SFT2D1: variants seen among roughly 807,000 people sequenced by gnomAD.
SFT2D1 encodes SFT2 domain containing 1, also known as vesicle transport protein SFT2A.
A neutral mutation model predicts 28.1 loss-of-function variants in SFT2D1; 24 were observed. The observed-to-expected ratio is 0.85, with a 90% CI of 0.62 to 1.20. The LOEUF (loss-of-function observed/expected upper bound fraction) is 1.20, where lower values mean the gene tolerates loss of function less well. SFT2D1 is among the 50% of genes most tolerant of loss of function. The probability of loss-of-function intolerance (pLI) is 0.00; values close to 1 mark genes in which losing one functional copy is unlikely to be tolerated. For missense variants in SFT2D1, 181 were observed against 190.9 expected (o/e 0.95, Z 0.31); for synonymous variants, 82 against 73.7 (o/e 1.11, Z -0.58).
intron 1 of SFT2D1, chr6:166,335,607 G>A (rs1170967873): frequency 8.2e-6 from 3 of 367,904 alleles, no homozygotes; most frequent in African/African-American, 4.2e-5. Flanking sequence ...AGACCTTGGC[G>A]ATGACCTTGA....
chr6:166,335,506 C>T (rs1201168102), intron 1 of SFT2D1: 7 of 492,628 alleles, frequency 1.4e-5, no homozygotes, highest in African/African-American at 5.9e-5. Context: ...AAGGTGGCTA[C>T]GGTGGTTCCA....
rs772914681 is a variant in SFT2D1 at position 166,324,604 on chromosome 6, A to G, written c.352-9T>C. 3.1e-6 allele frequency: 5 copies of G among 1,610,016 alleles called. No individual in the cohort carries two copies. Among genetic ancestry groups the G allele is most frequent in the Non-Finnish European group, 4.2e-6 (5 of 1,179,088 alleles). On this transcript the variant is annotated splice_polypyrimidine_tract_variant and intron_variant, in intron 5 of 7. Coordinates refer to ENST00000361731, the MANE Select transcript of SFT2D1 (RefSeq NM_145169.3). ...AGTCCCTTCTTATGCCACTAACAAC[A>G]GCAAAAACAGAGCAATTATGAGTTT...
At chr6:166,326,576 TGAG>T (rs1304014072) in intron 4 of SFT2D1, among the ~76,000 whole-genome samples, 1 of 152,178 alleles carries the variant, frequency 6.6e-6, no homozygotes, top group Non-Finnish European at 1.5e-5. Context: ...CTCTTTAAAA[TGAG>T]GAGAGTTCCT....
At chr6:166,336,875 CCT>C (rs372474473) in intron 1 of SFT2D1, among the ~76,000 whole-genome samples, 7 of 152,330 alleles carry the variant, frequency 4.6e-5, no homozygotes, top group Non-Finnish European at 8.8e-5. Flanking sequence ...TGGCCTGGGG[CCT>C]CTTTTTTAAT....
intron 5 of SFT2D1, among the ~76,000 whole-genome samples, chr6:166,325,721 A>C (rs1486300588): frequency 6.6e-6 from 1 of 152,278 alleles, no homozygotes; most frequent in Non-Finnish European, 1.5e-5. Flanking sequence ...GCCCACAAGC[A>C]GGTGAGCTCG....
Position 166,330,233 on chromosome 6 carries a change from T to A in SFT2D1, c.78A>T (p.Ser26=). The change falls in exon 2 of 8, where the codon TCA becomes TCT. Residue 26 remains serine (S), a synonymous_variant. Transcript: ENST00000361731. ...TCAATCTGGTGTTGAAACTAAGGGA[T>A]GAGGCATCCAGGACCTTAATAAAAA... is the stretch of plus-strand genomic sequence containing the variant. ...QGLTAQVLDA[S]SLSFNTRLKW... 1.2e-6 allele frequency: 2 copies of A among 1,603,070 alleles called. No individual in the cohort carries two copies. Among genetic ancestry groups the A allele is most frequent in the Non-Finnish European group, 8.5e-7 (1 of 1,176,476 alleles).
chr6:166,337,475 T>G (rs1490727401), intron 1 of SFT2D1, among the ~76,000 whole-genome samples: 1 of 152,136 alleles, frequency 6.6e-6, no homozygotes, highest in African/African-American at 2.4e-5. Context: ...CCGGCTCTCC[T>G]GACTGTCCTC....
chr6:166,340,315 T>C (rs1323065018), intron 1 of SFT2D1, among the ~76,000 whole-genome samples: 2 of 152,188 alleles, frequency 1.3e-5, no homozygotes, highest in Non-Finnish European at 2.9e-5. Context: ...GAGTGATCCT[T>C]TAAAATCCAA....
chr6:166,320,467 A>G (rs1383705032), intron 7 of SFT2D1, among the ~76,000 whole-genome samples: 1 of 152,230 alleles, frequency 6.6e-6, no homozygotes, highest in African/African-American at 2.4e-5. Flanking sequence ...ATTTATCTTA[A>G]GAAATTTTTA....
At chr6:166,333,768 C>T (rs1178159890) in intron 1 of SFT2D1, among the ~76,000 whole-genome samples, 3 of 152,162 alleles carry the variant, frequency 2.0e-5, no homozygotes, top group Non-Finnish European at 2.9e-5. Context: ...TTTATCTCAA[C>T]GTCCATTTTA....
At chr6:166,333,528 C>G (rs559664557) in intron 1 of SFT2D1, among the ~76,000 whole-genome samples, 1 of 152,200 alleles carries the variant, frequency 6.6e-6, no homozygotes, top group Non-Finnish European at 1.5e-5. Flanking sequence ...ACTCCTCATC[C>G]GGCCCTTCTC....
At chr6:166,335,431 A>C in intron 1 of SFT2D1, 2 of 561,416 alleles carry the variant, frequency 3.6e-6, no homozygotes, top group Non-Finnish European at 6.9e-6. Context: ...TTGGAGGCAG[A>C]AGCTCTGGCC....
intron 3 of SFT2D1, 58 bp downstream of exon 3, chr6:166,329,449 T>C (rs1262652311): frequency 2.0e-6 from 3 of 1,465,824 alleles, no homozygotes; most frequent in East Asian, 2.3e-5. Flanking sequence ...AAAGTGCTTA[T>C]TAGAAAGGTA....
intron 1 of SFT2D1, among the ~76,000 whole-genome samples, chr6:166,333,882 C>T (rs546921018): frequency 1.3e-5 from 2 of 150,276 alleles, no homozygotes; most frequent in African/African-American, 4.9e-5. Flanking sequence ...AGTGTGAACT[C>T]CCTTACCTTC....
rs955992396 is a variant in SFT2D1 at position 166,331,013 on chromosome 6, G to A, written c.64-766C>T. ...TACTGTGAAATGATCATTTATTCTA[G>A]AGCAACAGCATTCCTATATACCATG... On this transcript the variant is annotated intron_variant, in intron 1 of 7. Coordinates refer to ENST00000361731, the MANE Select transcript of SFT2D1 (RefSeq NM_145169.3). 5.3e-5 allele frequency among the ~76,000 whole-genome samples: 8 copies of A among 152,218 alleles called. No individual in the cohort carries two copies. The South Asian group carries it at 1.7e-3, about 32-fold the overall frequency.
intron 1 of SFT2D1, among the ~76,000 whole-genome samples, chr6:166,341,472 A>T (rs1379374105): frequency 1.3e-5 from 2 of 150,050 alleles, no homozygotes; most frequent in Non-Finnish European, 3.0e-5. Flanking sequence ...AAAAAAATTC[A>T]TTGGCCACAT....
chr6:166,337,853 T>C (rs1778687914), intron 1 of SFT2D1, among the ~76,000 whole-genome samples: 1 of 152,202 alleles, frequency 6.6e-6, no homozygotes, highest in Non-Finnish European at 1.5e-5. Context: ...CTCGACCCCA[T>C]GGTGATGGTA....
chr6:166,329,676 CAAT>C, intron 2 of SFT2D1, 87 bp from the exon 3 acceptor site: 2 of 982,946 alleles, frequency 2.0e-6, no homozygotes, highest in Non-Finnish European at 3.0e-6. Flanking sequence ...AATACAATAC[CAAT>C]ATTATGTAAT....
chr6:166,328,463 T>A (rs1301480927), intron 3 of SFT2D1, 106 bp from the exon 4 acceptor site: 3 of 634,582 alleles, frequency 4.7e-6, no homozygotes, highest in African/African-American at 1.9e-5. Flanking sequence ...TTTATTTAAT[T>A]AAAATCTCTC....
Sources: gnomAD v4.1 joint callset for allele counts (sites outside exome capture counted in the v4.1 genomes callset) on GRCh38, gnomAD v4.1.1 for gene constraint, MANE v1.5 for transcripts, NCBI Gene and HGNC (gene_info 2026-07-23, HGNC 2026-07-21) for gene names.